The following PRKCE variants were observed in gnomAD, a reference collection of about 807,000 sequenced individuals.
PRKCE encodes the protein protein kinase C epsilon.
A neutral mutation model predicts 85.4 loss-of-function variants in PRKCE; 16 were observed. The ratio of observed to expected loss-of-function variants is 0.19; its 90% CI spans 0.13 to 0.28. PRKCE has a LOEUF of 0.28. Among genes scored for constraint, PRKCE ranks in the 10% least tolerant of loss-of-function variants. PRKCE has a pLI of 1.00. For missense variants in PRKCE, 573 were observed against 975.2 expected (o/e 0.59, Z 5.49); for synonymous variants, 388 against 371.5 (o/e 1.04, Z -0.51).
At chr2:45,809,283 C>T (rs927950560) in intron 1 of PRKCE, among the ~76,000 whole-genome samples, 7 of 152,148 alleles carry the variant, frequency 4.6e-5, no homozygotes, top group South Asian at 2.1e-4. Flanking sequence ...GATTTGTTAT[C>T]CTGTAGCAGG....
intron 1 of PRKCE, among the ~76,000 whole-genome samples, chr2:45,664,877 G>A (rs1572885447): frequency 6.6e-6 from 1 of 152,302 alleles, no homozygotes; most frequent in East Asian, 1.9e-4. Context: ...CTGGGCCAAA[G>A]CATCTGACTT....
chr2:45,891,922 C>A (rs577697372), intron 2 of PRKCE, among the ~76,000 whole-genome samples: 4 of 152,312 alleles, frequency 2.6e-5, no homozygotes, highest in African/African-American at 9.6e-5. Flanking sequence ...CCCGTCCCCA[C>A]GTCTTCCTAC....
At chr2:46,037,488 A>G (rs1707940149) in intron 10 of PRKCE, among the ~76,000 whole-genome samples, 1 of 152,190 alleles carries the variant, frequency 6.6e-6, no homozygotes, top group South Asian at 2.1e-4. Context: ...TTGTTACATA[A>G]ACTACTCTGG....
chr2:45,699,216 C>T (rs1253621457), intron 1 of PRKCE, among the ~76,000 whole-genome samples: 3 of 152,106 alleles, frequency 2.0e-5, no homozygotes, highest in African/African-American at 7.2e-5. Flanking sequence ...TCCCCCTAAT[C>T]CCCAGAGGTG....
chr2:45,991,351 A>G (rs1703780292), intron 6 of PRKCE, among the ~76,000 whole-genome samples: 2 of 148,836 alleles, frequency 1.3e-5, no homozygotes, highest in African/African-American at 4.8e-5. Context: ...TACAAGGTCC[A>G]TGAGGACAGA....
chr2:45,706,808 G>T (rs1448895460), intron 1 of PRKCE, among the ~76,000 whole-genome samples: 1 of 152,164 alleles, frequency 6.6e-6, no homozygotes, highest in Non-Finnish European at 1.5e-5. Context: ...ATCATCAATA[G>T]CAAGAAATAC....
intron 1 of PRKCE, among the ~76,000 whole-genome samples, chr2:45,721,670 T>A (rs1160906926): frequency 6.6e-6 from 1 of 151,998 alleles, no homozygotes; most frequent in East Asian, 1.9e-4. Context: ...TTGAGACCAG[T>A]AGTTAGAGAC....
At chr2:45,716,415 G>T (rs571332893) in intron 1 of PRKCE, among the ~76,000 whole-genome samples, 30 of 152,196 alleles carry the variant, frequency 2.0e-4, no homozygotes, top group African/African-American at 7.2e-4. Flanking sequence ...TACTTGGGAG[G>T]CTGAGGCACG....
At chr2:46,151,280 T>TACACGCAC (rs1553364016) in intron 13 of PRKCE, 51 bp downstream of exon 13, 1 of 535,596 alleles carries the variant, frequency 1.9e-6, no homozygotes, top group African/African-American at 2.3e-5. Flanking sequence ...CTCCTCCCCC[T>TACACGCAC]ACACACACAC....
chr2:45,787,844 G>T (rs1233754158), intron 1 of PRKCE, among the ~76,000 whole-genome samples: 2 of 152,182 alleles, frequency 1.3e-5, no homozygotes, highest in Non-Finnish European at 2.9e-5. Flanking sequence ...GCAAGGAATT[G>T]CAGGCCTGGA....
chr2:46,024,097 T>C (rs1706904518), intron 10 of PRKCE, among the ~76,000 whole-genome samples: 1 of 152,102 alleles, frequency 6.6e-6, no homozygotes, highest in African/African-American at 2.4e-5. Flanking sequence ...GAGATTAGCC[T>C]CCTGAGGATT....
At chr2:45,912,633 G>A (rs1003268026) in intron 2 of PRKCE, among the ~76,000 whole-genome samples, 5 of 152,112 alleles carry the variant, frequency 3.3e-5, no homozygotes, top group African/African-American at 1.2e-4. Flanking sequence ...ATGAGAGACA[G>A]GTTCTGCAGG....
At chr2:46,132,611 C>A (rs1309287968) in intron 11 of PRKCE, among the ~76,000 whole-genome samples, 1 of 152,166 alleles carries the variant, frequency 6.6e-6, no homozygotes, top group East Asian at 1.9e-4. Context: ...GCCTGTGCAG[C>A]CTCGTTGTCC....
chr2:45,672,226 A>ACATCCATCCATCTGTCTATG (rs1676204479), intron 1 of PRKCE, among the ~76,000 whole-genome samples: 1 of 151,822 alleles, frequency 6.6e-6, no homozygotes, highest in Non-Finnish European at 1.5e-5. Context: ...ATCCATCTCT[A>ACATCCATCCATCTGTCTATG]CATCCATCCA....
intron 10 of PRKCE, among the ~76,000 whole-genome samples, chr2:46,055,462 A>G (rs187386075): frequency 1.7e-4 from 26 of 152,252 alleles, no homozygotes; most frequent in Admixed American, 9.1e-4. Context: ...GTTCAATTCA[A>G]TCTCTCAGTC....
rs2104756881 is a variant in PRKCE, at chr2:46,186,586, T to C, written c.*1705T>C. On this transcript the variant is annotated 3_prime_UTR_variant, in exon 15 of 15. Coordinates refer to ENST00000306156, the MANE Select transcript of PRKCE (RefSeq NM_005400.3). ...CCTTTATGGGGGATGGGGGGGTGTG[T>C]TGGGGATTCTTTGTATTGTTTATTT... 1 of 152,532 alleles carries C rather than the reference T, an allele frequency of 6.6e-6. No homozygotes were observed. Among genetic ancestry groups the C allele is most frequent in the African/African-American group, 2.4e-5 (1 of 41,492 alleles). 9.4% of individuals were successfully genotyped at this position (152,532 alleles called of 1,614,324 possible). A position where few individuals can be genotyped will look rare whatever the true frequency, so the allele number is the denominator to read the frequency against.
intron 11 of PRKCE, among the ~76,000 whole-genome samples, chr2:46,118,153 A>C (rs1187523843): frequency 6.6e-6 from 1 of 152,252 alleles, no homozygotes; most frequent in Non-Finnish European, 1.5e-5. Flanking sequence ...GGAAAAGCTT[A>C]GAGGACAGTT....
At chr2:45,766,706 C>G (rs73926066) in intron 1 of PRKCE, among the ~76,000 whole-genome samples, 34 of 152,270 alleles carry the variant, frequency 2.2e-4, no homozygotes, top group African/African-American at 7.9e-4. Context: ...TTCATAGGTG[C>G]CTCTTCCACT....
chr2:45,881,344 A>G (rs1694875511), intron 2 of PRKCE, among the ~76,000 whole-genome samples: 1 of 152,156 alleles, frequency 6.6e-6, no homozygotes, highest in Non-Finnish European at 1.5e-5. Context: ...AAAGGATGAG[A>G]CAAGTGTTGC....
Sources: allele counts gnomAD v4.1 joint callset (sites outside exome capture counted in the v4.1 genomes callset), GRCh38; gene constraint gnomAD v4.1.1; transcripts MANE v1.5; gene names NCBI Gene and HGNC (gene_info 2026-07-23, HGNC 2026-07-21).